The following TMCO4 variants were observed in gnomAD, a reference collection of about 807,000 sequenced individuals.
TMCO4 encodes the protein transmembrane and coiled-coil domain-containing protein 4.
A neutral mutation model predicts 64.7 loss-of-function variants in TMCO4; 58 were observed. The observed-to-expected ratio is 0.90, with a 90% CI of 0.73 to 1.12. TMCO4 has a LOEUF of 1.12. TMCO4 is among the 50% of genes most tolerant of loss of function. The probability of loss-of-function intolerance (pLI) is 0.00; values close to 1 mark genes in which losing one functional copy is unlikely to be tolerated. For synonymous variants in TMCO4, 325 were observed against 346.1 expected (o/e 0.94, Z 0.68); for missense variants, 780 against 825.9 (o/e 0.94, Z 0.68).
chr1:19,774,975 C>T (rs966730310), intron 4 of TMCO4, among the ~76,000 whole-genome samples: 6 of 152,176 alleles, frequency 3.9e-5, no homozygotes, highest in Non-Finnish European at 5.9e-5. Flanking sequence ...CCACCATGCA[C>T]GGGCCACTCA....
At chr1:19,793,299 C>T (rs998867811) in intron 2 of TMCO4, among the ~76,000 whole-genome samples, 11 of 152,100 alleles carry the variant, frequency 7.2e-5, no homozygotes, top group Non-Finnish European at 1.6e-4. Context: ...AGGCTGAAGA[C>T]TAATTATTCT....
At chr1:19,778,244 ATATTTATTTATTTATTTATTTATTTATT>A (rs142603109) in intron 4 of TMCO4, among the ~76,000 whole-genome samples, 4 of 146,284 alleles carry the variant, frequency 2.7e-5, no homozygotes, top group Admixed American at 6.8e-5. Flanking sequence ...CTCATTATTT[ATATTTATTTATTTATTTATTTATTTATT>A]TATTTATTTA....
At chr1:19,731,744 A>C (rs960243) in intron 13 of TMCO4, among the ~76,000 whole-genome samples, 32,436 of 152,026 alleles carry the variant, frequency 0.21, 3,953 homozygotes, top group East Asian at 0.58. Flanking sequence ...GGGTGAGTTA[A>C]AGCAGTCTGG....
chr1:19,755,820 T>G, intron 6 of TMCO4, 54 bp from the exon 7 acceptor site: 2 of 1,609,950 alleles, frequency 1.2e-6, no homozygotes, highest in Middle Eastern at 1.7e-4. Flanking sequence ...TTAAGAACAG[T>G]GATGTTAGCA....
chr1:19,796,299 G>A (rs904160492), intron 2 of TMCO4, among the ~76,000 whole-genome samples: 3 of 152,176 alleles, frequency 2.0e-5, no homozygotes, highest in African/African-American at 7.2e-5. Flanking sequence ...AAGGTGGGGG[G>A]TCAGGGGTTG....
chr1:19,797,319 G>A (rs2044354477), intron 2 of TMCO4, among the ~76,000 whole-genome samples: 1 of 152,136 alleles, frequency 6.6e-6, no homozygotes, highest in African/African-American at 2.4e-5. Context: ...AAGTCTTGTG[G>A]CCTGGGCATT....
At position 19,734,897 on chromosome 1, in the gene TMCO4, G is replaced by C. The variant is rs141219134; in HGVS notation, c.1264+2475C>G. Reference sequence around the variant, plus strand: ...TCCCTCCTGTGGCTGCAGTGAGGGAGGAATGTGATCACACTTGCAAGTGCT... The same window carrying C: ...TCCCTCCTGTGGCTGCAGTGAGGGACGAATGTGATCACACTTGCAAGTGCT... On this transcript the variant is annotated intron_variant, in intron 13 of 15. Coordinates refer to ENST00000294543, the MANE Select transcript of TMCO4 (RefSeq NM_181719.7). This position sits in a 1 kb window ranked among gnomAD's most constrained non-coding sequence, Gnocchi z 4.4. Among the ~76,000 whole-genome samples the C allele has an allele frequency of 7.8e-3, 1,184 of 152,242 alleles. 36 individuals carry two copies. The South Asian group carries it at 0.096, about 12-fold the overall frequency.
At chr1:19,696,155 T>C (rs931043566) in intron 14 of TMCO4, among the ~76,000 whole-genome samples, 1 of 152,224 alleles carries the variant, frequency 6.6e-6, no homozygotes, top group Non-Finnish European at 1.5e-5. Context: ...CCATTACCTA[T>C]GGGCTTTCTC....
Position 19,683,013 on chromosome 1 carries a change from G to A in TMCO4, c.*27C>T, listed in dbSNP as rs747862434. ...GAGAGAGCTGCATATGGAGACTGGG[G>A]AAGACGGCTCAGGTCCCCTGCTGTG... On this transcript the variant is annotated 3_prime_UTR_variant, in exon 16 of 16. Transcript: ENST00000294543. 22 of 1,533,784 alleles carry A rather than the reference G, an allele frequency of 1.4e-5. No individual in the cohort carries two copies. In the South Asian group the frequency reaches 2.6e-4, roughly 18 times the overall value.
intron 12 of TMCO4, among the ~76,000 whole-genome samples, chr1:19,737,838 C>A (rs558819038): frequency 6.6e-6 from 1 of 152,382 alleles, no homozygotes; most frequent in East Asian, 1.9e-4. Context: ...CTGCGGGACC[C>A]CTTCCGGAGC....
intron 4 of TMCO4, among the ~76,000 whole-genome samples, 191 bp downstream of exon 4, chr1:19,780,389 G>A (rs778269286): frequency 3.3e-5 from 5 of 152,140 alleles, no homozygotes; most frequent in African/African-American, 9.7e-5. Context: ...CCTGCTGTGC[G>A]GCCAGGTTCC....
chr1:19,753,854 G>T (rs887489931), intron 7 of TMCO4, among the ~76,000 whole-genome samples: 1 of 151,986 alleles, frequency 6.6e-6, no homozygotes, highest in East Asian at 1.9e-4. Flanking sequence ...CTTTTCCTGG[G>T]GAAAGAGTCT....
intron 14 of TMCO4, among the ~76,000 whole-genome samples, chr1:19,700,002 GA>G: frequency 6.6e-6 from 1 of 152,134 alleles, no homozygotes; most frequent in Non-Finnish European, 1.5e-5. Flanking sequence ...TCCAAATCAA[GA>G]GCCTTAAACA....
At chr1:19,789,371 T>C (rs1035691757) in intron 2 of TMCO4, among the ~76,000 whole-genome samples, 13 of 152,114 alleles carry the variant, frequency 8.5e-5, no homozygotes, top group African/African-American at 3.1e-4. Context: ...TTGAATGCAC[T>C]GTACTCCAGC....
At chr1:19,758,947 C>T (rs2042383390) in intron 6 of TMCO4, among the ~76,000 whole-genome samples, 1 of 151,822 alleles carries the variant, frequency 6.6e-6, no homozygotes, top group African/African-American at 2.4e-5. Flanking sequence ...CTACAAAATA[C>T]AAAAATTAGC....
chr1:19,755,369 G>A (rs576891321), intron 7 of TMCO4, among the ~76,000 whole-genome samples: 5 of 152,264 alleles, frequency 3.3e-5, no homozygotes, highest in African/African-American at 9.6e-5. Context: ...CAAGTGATCC[G>A]CCTGCAGGGT....
chr1:19,705,802 AAC>A, intron 13 of TMCO4, among the ~76,000 whole-genome samples: 1 of 152,260 alleles, frequency 6.6e-6, no homozygotes. Flanking sequence ...GAAAAAAAAA[AAC>A]AGTCAAAATC....
intron 13 of TMCO4, among the ~76,000 whole-genome samples, chr1:19,719,908 G>A (rs1394267138): frequency 4.6e-5 from 7 of 151,840 alleles, no homozygotes; most frequent in African/African-American, 9.7e-5. Flanking sequence ...CAGTAGAATC[G>A]TTTGAACCCA....
intron 2 of TMCO4, among the ~76,000 whole-genome samples, chr1:19,794,349 A>G (rs991776939): frequency 1.3e-5 from 2 of 152,180 alleles, no homozygotes; most frequent in African/African-American, 4.8e-5. Flanking sequence ...ACTTGTTTAT[A>G]TTGATCGCTT....
Sources: allele counts gnomAD v4.1 joint callset (sites outside exome capture counted in the v4.1 genomes callset), GRCh38; gene constraint gnomAD v4.1.1; non-coding constraint Gnocchi (gnomAD v3.1); transcripts MANE v1.5; gene names NCBI Gene and HGNC (gene_info 2026-07-23, HGNC 2026-07-21).